TAFA2: variants seen among roughly 807,000 people sequenced by gnomAD.
The protein encoded by TAFA2 is chemokine-like protein TAFA-2.
TAFA2 carries 7 observed loss-of-function variants against 18.8 expected under a neutral mutation model. The ratio of observed to expected loss-of-function variants is 0.37; its 90% CI spans 0.21 to 0.70. TAFA2 has a LOEUF of 0.70. Ranked by LOEUF, TAFA2 falls within the 30% of genes least tolerant of loss-of-function variation. The probability of loss-of-function intolerance (pLI) is 0.53; values close to 1 mark genes in which losing one functional copy is unlikely to be tolerated. For missense variants in TAFA2, 122 were observed against 158.1 expected (o/e 0.77, Z 1.23); for synonymous variants, 60 against 54.2 (o/e 1.11, Z -0.47).
At chr12:61,834,554 G>A (rs1165517063) in intron 2 of TAFA2, among the ~76,000 whole-genome samples, 1 of 152,004 alleles carries the variant, frequency 6.6e-6, no homozygotes, top group Non-Finnish European at 1.5e-5. Context: ...TCTCCATACA[G>A]CAGAGTACTG....
intron 1 of TAFA2, among the ~76,000 whole-genome samples, chr12:62,230,562 G>A (rs774898723): frequency 5.3e-5 from 8 of 152,096 alleles, no homozygotes; most frequent in Non-Finnish European, 5.9e-5. Context: ...TTCCATTGTG[G>A]TCAGAAAAGA....
intron 1 of TAFA2, among the ~76,000 whole-genome samples, chr12:62,119,737 C>G (rs910952601): frequency 1.3e-5 from 2 of 152,260 alleles, no homozygotes; most frequent in Admixed American, 6.5e-5. Context: ...GCTCTTGTTT[C>G]TCTGTTTCTG....
intron 2 of TAFA2, among the ~76,000 whole-genome samples, chr12:61,849,411 C>T (rs973819291): frequency 3.9e-5 from 6 of 152,146 alleles, no homozygotes; most frequent in Non-Finnish European, 7.3e-5. Context: ...GGGAAGTAGA[C>T]ATGTTCACCA....
At chr12:61,719,048 C>T (rs1001504775) in intron 4 of TAFA2, among the ~76,000 whole-genome samples, 5 of 152,108 alleles carry the variant, frequency 3.3e-5, no homozygotes, top group African/African-American at 1.2e-4. Context: ...ACTGAAACCA[C>T]CTTTGCAAAA....
intron 2 of TAFA2, among the ~76,000 whole-genome samples, chr12:61,836,756 T>TATATATATATATATATATTTATATATAC (rs68158949): frequency 8.3e-6 from 1 of 119,848 alleles, no homozygotes; most frequent in Non-Finnish European, 1.8e-5. Flanking sequence ...TATATATATA[T>TATATATATATATATATATTTATATATAC]ACACACACAC....
At chr12:61,749,895 G>A (rs1868926980) in intron 4 of TAFA2, among the ~76,000 whole-genome samples, 1 of 152,064 alleles carries the variant, frequency 6.6e-6, no homozygotes, top group East Asian at 1.9e-4. Context: ...ACTGTATTTT[G>A]TAGCTTGGTG....
chr12:62,217,066 C>A (rs2062738793), intron 1 of TAFA2, among the ~76,000 whole-genome samples: 1 of 152,156 alleles, frequency 6.6e-6, no homozygotes, highest in Non-Finnish European at 1.5e-5. Context: ...AAAAGGGAAG[C>A]ACCATGCCTG....
intron 1 of TAFA2, among the ~76,000 whole-genome samples, chr12:61,887,398 T>A (rs552174631): frequency 6.6e-6 from 1 of 152,244 alleles, no homozygotes; most frequent in South Asian, 2.1e-4. Context: ...CTTAGAATCA[T>A]GCCTGACATA....
intron 1 of TAFA2, among the ~76,000 whole-genome samples, chr12:62,157,684 A>G (rs555374257): frequency 6.6e-6 from 1 of 152,236 alleles, no homozygotes; most frequent in African/African-American, 2.4e-5. Flanking sequence ...TGCTGGCTCA[A>G]ATGTCACCTC....
At chr12:62,086,570 A>C (rs1868464436) in intron 1 of TAFA2, among the ~76,000 whole-genome samples, 1 of 152,162 alleles carries the variant, frequency 6.6e-6, no homozygotes, top group Non-Finnish European at 1.5e-5. Context: ...ATCATTAGAG[A>C]AATGCAAATC....
intron 1 of TAFA2, among the ~76,000 whole-genome samples, chr12:62,105,645 C>T (rs548038875): frequency 4.7e-4 from 71 of 152,284 alleles, no homozygotes; most frequent in African/African-American, 1.6e-3. Flanking sequence ...TTAGCTGATA[C>T]ATTTGGCTGA....
At chr12:62,140,946 C>T (rs1365352501) in intron 1 of TAFA2, among the ~76,000 whole-genome samples, 1 of 152,130 alleles carries the variant, frequency 6.6e-6, no homozygotes, top group African/African-American at 2.4e-5. Flanking sequence ...AGGGAAGAAC[C>T]CACTGTTCAT....
chr12:62,088,910 CTGTG>C (rs143609708), intron 1 of TAFA2, among the ~76,000 whole-genome samples: 12 of 150,506 alleles, frequency 8.0e-5, no homozygotes, highest in African/African-American at 2.2e-4. Flanking sequence ...CTCTCTATCT[CTGTG>C]TGTGTGTGTG....
intron 1 of TAFA2, among the ~76,000 whole-genome samples, chr12:62,129,094 G>A (rs1855466440): frequency 6.6e-6 from 1 of 151,916 alleles, no homozygotes; most frequent in African/African-American, 2.4e-5. Context: ...GATTCCTCTG[G>A]TTTTCTACCC....
chr12:62,096,003 T>C (rs1868934089), intron 1 of TAFA2, among the ~76,000 whole-genome samples: 1 of 152,092 alleles, frequency 6.6e-6, no homozygotes. Context: ...AGACTGATAT[T>C]AGCAAAACAT....
intron 1 of TAFA2, among the ~76,000 whole-genome samples, chr12:62,167,906 G>A (rs1284509206): frequency 6.6e-6 from 1 of 152,132 alleles, no homozygotes; most frequent in African/African-American, 2.4e-5. Context: ...CAAAGATAGG[G>A]CAATTTGAGC....
intron 1 of TAFA2, among the ~76,000 whole-genome samples, chr12:61,987,200 C>A (rs1158212966): frequency 6.6e-6 from 1 of 152,176 alleles, no homozygotes; most frequent in Non-Finnish European, 1.5e-5. Flanking sequence ...CTTGTTAGTG[C>A]AGCAGGCTCC....
chr12:62,170,654 G>A (rs2062471181), intron 1 of TAFA2, among the ~76,000 whole-genome samples: 1 of 151,094 alleles, frequency 6.6e-6, no homozygotes, highest in Non-Finnish European at 1.5e-5. Context: ...GGGTACACAT[G>A]CAGTTTTTTT....
intron 2 of TAFA2, among the ~76,000 whole-genome samples, chr12:61,849,822 T>A (rs557413244): frequency 2.0e-5 from 3 of 152,290 alleles, no homozygotes; most frequent in African/African-American, 7.2e-5. Context: ...TTATAAGATA[T>A]ACAAAATAAC....
Sources: allele counts gnomAD v4.1 joint callset (sites outside exome capture counted in the v4.1 genomes callset), GRCh38; gene constraint gnomAD v4.1.1; transcripts MANE v1.5; gene names NCBI Gene and HGNC (gene_info 2026-07-23, HGNC 2026-07-21).